Variants in PNLIP observed in about 807,000 individuals in gnomAD.
PNLIP encodes the protein pancreatic triacylglycerol lipase.
A neutral mutation model predicts 57.1 loss-of-function variants in PNLIP; 49 were observed. The ratio of observed to expected loss-of-function variants is 0.86; its 90% CI spans 0.68 to 1.09. The LOEUF is 1.09. Ranked by LOEUF, PNLIP falls within the 50% of genes least tolerant of loss-of-function variation. The pLI, the probability that PNLIP is intolerant of heterozygous loss-of-function variation, is 0.00. For missense variants in PNLIP, 503 were observed against 570.2 expected (o/e 0.88, Z 1.20); for synonymous variants, 209 against 200.4 (o/e 1.04, Z -0.36).
intron 10 of PNLIP, 140 bp from the exon 11 acceptor site, chr10:116,560,276 T>TACAC (rs71301597): frequency 0.019 from 7,985 of 424,784 alleles, 41 homozygotes; most frequent in Non-Finnish European, 0.023. Flanking sequence ...ATTAGAAAAT[T>TACAC]ACACACACAC....
intron 3 of PNLIP, 26 bp downstream of exon 3, chr10:116,547,474 C>A (rs781380260): frequency 2.0e-5 from 32 of 1,592,756 alleles, no homozygotes; most frequent in African/African-American, 2.7e-5. Flanking sequence ...GTGTTTAGAA[C>A]TAAGTTCTTT....
At chr10:116,546,004 C>G in intron 1 of PNLIP, 46 bp downstream of exon 1, 1 of 1,079,490 alleles carries the variant, frequency 9.3e-7, no homozygotes, top group Admixed American at 1.7e-5. Context: ...CAGAATGTAT[C>G]CATTTTCCCC....
chr10:116,559,094 A>G (rs1431462615), intron 9 of PNLIP, 60 bp from the exon 10 acceptor site: 1 of 1,565,532 alleles, frequency 6.4e-7, no homozygotes, highest in Non-Finnish European at 8.6e-7. Flanking sequence ...ACATGTAGGA[A>G]ATATGGTACA....
chr10:116,553,923 A>G, intron 6 of PNLIP, 85 bp downstream of exon 6: 2 of 685,242 alleles, frequency 2.9e-6, no homozygotes, highest in Non-Finnish European at 5.0e-6. Context: ...TCTGGGCAAC[A>G]TAGCGAGACT....
At chr10:116,556,197 A>G in intron 9 of PNLIP, 79 bp downstream of exon 9, 1 of 775,136 alleles carries the variant, frequency 1.3e-6, no homozygotes, top group Non-Finnish European at 2.3e-6. Context: ...TATACATGAC[A>G]TCATTCAATG....
At chr10:116,551,427 T>A (rs1355667895) in intron 5 of PNLIP, 195 bp downstream of exon 5, 1 of 387,292 alleles carries the variant, frequency 2.6e-6, no homozygotes, top group African/African-American at 2.1e-5. Context: ...ATTATGTTAA[T>A]AAACTAGTTT....
intron 12 of PNLIP, among the ~76,000 whole-genome samples, chr10:116,567,166 CTT>C (rs1847377638): frequency 6.9e-6 from 1 of 144,346 alleles, no homozygotes; most frequent in African/African-American, 2.6e-5. Flanking sequence ...TCTTTTCTTT[CTT>C]TCTCTTTCTT....
At chr10:116,563,192 A>G (rs780553854) in intron 12 of PNLIP, among the ~76,000 whole-genome samples, 3 of 152,186 alleles carry the variant, frequency 2.0e-5, no homozygotes, top group Non-Finnish European at 2.9e-5. Context: ...TTCTCATCCA[A>G]AATGCTTGAG....
chr10:116,561,612 T>C lies in PNLIP; in HGVS notation c.1310T>C (p.Ile437Thr), dbSNP rs753179779. The C allele has an allele frequency of 3.7e-6, 6 of 1,611,490 alleles. No individual in the cohort carries two copies. The Admixed American group carries it at 5.0e-5, about 14-fold the overall frequency. ...TLPRVGASKI[I>T]VETNVGKQFN... ...CCTAGAGTGGGAGCATCCAAGATTA[T>C]AGTGGAGACAAATGTTGGAAAACAG... The change falls in exon 12 of 13, where the codon ATA becomes ACA. Residue 437 changes from isoleucine to threonine, a missense_variant. By Grantham distance (89) the Ile-to-Thr change is moderately conservative (BLOSUM62 -1). Coordinates refer to ENST00000369221, the MANE Select transcript of PNLIP (RefSeq NM_000936.4).
At chr10:116,549,393 C>A in intron 4 of PNLIP, among the ~76,000 whole-genome samples, 1 of 152,022 alleles carries the variant, frequency 6.6e-6, no homozygotes, top group East Asian at 1.9e-4. Context: ...GCAGGAGAAT[C>A]GCTTGAACCC....
chr10:116,565,957 C>T (rs902144921), intron 12 of PNLIP, among the ~76,000 whole-genome samples: 15 of 151,940 alleles, frequency 9.9e-5, no homozygotes, highest in Admixed American at 3.9e-4. Flanking sequence ...TACAGGCATA[C>T]GCCACCCTGC....
chr10:116,546,577 G>C (rs368891326), intron 2 of PNLIP, among the ~76,000 whole-genome samples: 1 of 152,136 alleles, frequency 6.6e-6, no homozygotes, highest in South Asian at 2.1e-4. Flanking sequence ...AATGGGGAGA[G>C]TCGGATTCCC....
chr10:116,550,253 T>G (rs911765299), intron 4 of PNLIP, among the ~76,000 whole-genome samples: 12 of 151,354 alleles, frequency 7.9e-5, no homozygotes, highest in Admixed American at 2.6e-4. Context: ...AGAGATGAGG[T>G]TTCACCATGT....
Position 116,545,955 on chromosome 10 carries a change from C to G in PNLIP, c.-4C>G, listed in dbSNP as rs906193252. On this transcript the variant is annotated 5_prime_UTR_variant, in exon 1 of 13. Transcript: ENST00000369221. ...TGCGTGTGGAACCTGACGGAACTGC[C>G]ACGGTGAGTCGGGAACATGTTTTCC... 11 of 688,898 alleles carry G rather than the reference C, an allele frequency of 1.6e-5. No individual in the cohort carries two copies. In the South Asian group the frequency reaches 2.1e-4, roughly 13 times the overall value. 42.7% of individuals were successfully genotyped at this position (688,898 alleles called of 1,614,324 possible).
chr10:116,566,886 C>G (rs1847372605), intron 12 of PNLIP, among the ~76,000 whole-genome samples: 1 of 152,096 alleles, frequency 6.6e-6, no homozygotes, highest in Non-Finnish European at 1.5e-5. Context: ...TTTTCTGTTC[C>G]TGGTAGTTTA....
At chr10:116,567,217 CTCTT>C (rs774546946) in intron 12 of PNLIP, among the ~76,000 whole-genome samples, 5 of 138,422 alleles carry the variant, frequency 3.6e-5, no homozygotes, top group Admixed American at 1.5e-4. Flanking sequence ...TTCTCTTTCT[CTCTT>C]TCTTTCTTCT....
chr10:116,555,518 T>C lies in PNLIP; in HGVS notation c.811+11T>C, dbSNP rs1847244218. 6.2e-7 allele frequency: 1 copy of C among 1,612,724 alleles called. No individual in the cohort carries two copies. The highest frequency in any genetic ancestry group is 1.1e-5 in the South Asian group (1 of 90,674). On this transcript the variant is annotated intron_variant, in intron 8 of 12. Coordinates refer to ENST00000369221, the MANE Select transcript of PNLIP (RefSeq NM_000936.4). ...ACGGAATCTGGGAAGGTAGAACTAT[T>C]ATGTGTAGAAAGAGATCTTCTTGGG... is the stretch of plus-strand genomic sequence containing the variant.
At position 116,546,145 on chromosome 10, in the gene PNLIP, AAAC is replaced by A. The variant is rs752204167; in HGVS notation, c.46+10_46+12del. On this transcript the variant is annotated splice_region_variant and intron_variant, in intron 2 of 12. Transcript: ENST00000369221. Reference sequence around the variant, plus strand: ...CTGCTGGGAGCAGTAGCAGGTAAGAAAACAAATAAATGTTGAGCTGGGAGAGAT... The same window carrying A: ...CTGCTGGGAGCAGTAGCAGGTAAGAAAAATAAATGTTGAGCTGGGAGAGAT... 2.5e-6 allele frequency: 4 copies of A among 1,612,564 alleles called. No individual in the cohort carries two copies. In the African/African-American group the frequency reaches 5.3e-5, roughly 22 times the overall value.
chr10:116,556,168 C>A (rs1401864218), intron 9 of PNLIP, 50 bp downstream of exon 9: 1 of 1,015,898 alleles, frequency 9.8e-7, no homozygotes, highest in Non-Finnish European at 1.6e-6. Context: ...TGTCACTTCT[C>A]ATGACTGGTG....
Sources: gnomAD v4.1 joint callset for allele counts (sites outside exome capture counted in the v4.1 genomes callset) on GRCh38, gnomAD v4.1.1 for gene constraint, MANE v1.5 for transcripts, NCBI Gene and HGNC (gene_info 2026-07-23, HGNC 2026-07-21) for gene names.